The following EVPL variants were observed in gnomAD, a reference collection of about 807,000 sequenced individuals.
EVPL encodes envoplakin.
A neutral mutation model predicts 129.7 loss-of-function variants in EVPL; 94 were observed. That is an observed-to-expected ratio of 0.72 (90% CI 0.61 to 0.86). The LOEUF (loss-of-function observed/expected upper bound fraction) is 0.86. Ranked by LOEUF, EVPL falls within the 40% of genes least tolerant of loss-of-function variation. The probability of loss-of-function intolerance (pLI) is 0.00; values close to 1 mark genes in which losing one functional copy is unlikely to be tolerated. For missense variants in EVPL, 2,625 were observed against 2,721.1 expected (o/e 0.96, Z 0.79); for synonymous variants, 1,172 against 1,191.1 (o/e 0.98, Z 0.33).
chr17:76,024,085 C>G lies in EVPL; in HGVS notation c.134G>C (p.Arg45Pro). The G allele has an allele frequency of 6.2e-7, 1 of 1,613,764 alleles. No individual in the cohort carries two copies. Among genetic ancestry groups the G allele is most frequent in the Non-Finnish European group, 8.5e-7 (1 of 1,179,928 alleles). The change falls in exon 2 of 22, where the codon CGC (arginine) becomes CCC (proline). Residue 45 changes from arginine (R) to proline (P), a missense_variant. Around this residue, in one of 4 missense-constraint regions of EVPL, gnomAD observed 139 missense variants for 186.8 expected, o/e 0.74. Coordinates refer to ENST00000301607, the MANE Select transcript of EVPL (RefSeq NM_001988.4). The surrounding 1 kb of genome is among the most constrained non-coding windows in gnomAD (Gnocchi z 4.5). ...ATQELALLIS[R>P]MQANADQVER... ...CACCTGGTCGGCGTTGGCTTGCATGCGGGAGATGAGAAGGGCCAGCTCCTG... is the reference window on the plus strand; with the variant it reads ...CACCTGGTCGGCGTTGGCTTGCATGGGGGAGATGAGAAGGGCCAGCTCCTG...
In EVPL at chr17:76,022,150, C is replaced by T. The variant is rs771946064; in HGVS notation, c.645+39G>A. ...CAGGGTCCGGGCGGCCACCCAGGCC[C>T]ACCCGCAGCCTCCCTGCCCGACCCT... On this transcript the variant is annotated intron_variant, in intron 6 of 21. Transcript: ENST00000301607. This position sits in a 1 kb window ranked among gnomAD's most constrained non-coding sequence, Gnocchi z 5.6. 6.8e-6 allele frequency: 11 copies of T among 1,608,932 alleles called. No homozygotes were observed. The highest frequency in any genetic ancestry group is 1.3e-5 in the African/African-American group (1 of 74,852).
In EVPL at chr17:76,007,832, G is replaced by A. The variant is rs774121567; in HGVS notation, c.5373C>T (p.Ser1791=). Residue 1791 remains serine, a synonymous_variant, in exon 22 of 22, where the codon TCC becomes TCT. Transcript: ENST00000301607. The surrounding 1 kb of genome is among the most constrained non-coding windows in gnomAD (Gnocchi z 8.8). ...AGETKPSSSL[S]IGSIISKSPL... ...GGGACTTGGAGATGATAGAGCCGATGGAGAGTGAGGAGCTTGGCTTGGTCT... is the reference window on the plus strand; with the variant it reads ...GGGACTTGGAGATGATAGAGCCGATAGAGAGTGAGGAGCTTGGCTTGGTCT... The A allele has an allele frequency of 2.8e-5, 45 of 1,611,678 alleles. No homozygotes were observed. Among genetic ancestry groups the A allele is most frequent in the South Asian group, 6.6e-5 (6 of 91,024 alleles).
chr17:76,021,619 T>A (rs1304235434), intron 8 of EVPL, 55 bp downstream of exon 8: 5 of 1,307,612 alleles, frequency 3.8e-6, no homozygotes, highest in Non-Finnish European at 4.2e-6. Flanking sequence ...CCGCCCCACC[T>A]CCCCCCTTCC....
At chr17:76,021,193 T>C (rs1567915303) in intron 9 of EVPL, among the ~76,000 whole-genome samples, 1 of 152,164 alleles carries the variant, frequency 6.6e-6, no homozygotes, top group Non-Finnish European at 1.5e-5. Flanking sequence ...GTAGCTCGGA[T>C]TACAGGCGCG....
At chr17:76,025,222 C>T (rs892484629) in intron 1 of EVPL, among the ~76,000 whole-genome samples, 1 of 152,176 alleles carries the variant, frequency 6.6e-6, no homozygotes, top group African/African-American at 2.4e-5. Flanking sequence ...TGAATTTATC[C>T]ATCTGAAACG....
chr17:76,019,893 A>T (rs1400128793), intron 9 of EVPL, among the ~76,000 whole-genome samples: 1 of 152,242 alleles, frequency 6.6e-6, no homozygotes, highest in Non-Finnish European at 1.5e-5. Context: ...AGAAAAACCT[A>T]AGCCAGGTAA....
chr17:76,018,928 A>G lies in EVPL; in HGVS notation c.1270T>C (p.Trp424Arg). 1 of 1,538,104 alleles carries G rather than the reference A, an allele frequency of 6.5e-7. No homozygotes were observed. Among genetic ancestry groups the G allele is most frequent in the Admixed American group, 2.2e-5 (1 of 45,318 alleles). The change falls in exon 11 of 22, where the codon TGG becomes CGG. Residue 424 changes from tryptophan (W) to arginine (R), a missense_variant. Coordinates refer to ENST00000301607, the MANE Select transcript of EVPL (RefSeq NM_001988.4). ...QPLHVDSICD[W>R]DSGEVQLLQG... ...GGAGTTCGCACTTCTCCTGAGTCCC[A>G]GTCGCAGATGCTGTCCACGTGCAGG...
chr17:76,012,742 CTTTT>C (rs56349197), intron 18 of EVPL, among the ~76,000 whole-genome samples: 85 of 117,522 alleles, frequency 7.2e-4, no homozygotes, highest in South Asian at 5.8e-3. Context: ...TCTTTCTTTT[CTTTT>C]TTTTTTTTTT....
At chr17:76,012,224 G>C in intron 18 of EVPL, 135 bp from the exon 19 acceptor site, 4 of 612,686 alleles carry the variant, frequency 6.5e-6, no homozygotes, top group East Asian at 2.8e-5. Flanking sequence ...GGGAGACCTG[G>C]GCCAAACTCC....
rs1309403186 is a variant in EVPL at position 76,008,091 on chromosome 17, C to T, written c.5114G>A (p.Arg1705Lys). ...KDMSPYEAYK[R>K]GIIDRGQYLQ... The stretch of plus-strand genomic sequence containing the variant: ...GTACTGGCCCCTGTCGATGATGCCC[C>T]TCTTGTAGGCCTCGTATGGGGACAT... The change falls in exon 22 of 22, where the codon AGG (arginine) becomes AAG (lysine). Residue 1705 changes from arginine (R) to lysine (K), a missense_variant. Around this residue, in one of 4 missense-constraint regions of EVPL, gnomAD observed 1,453 missense variants for 1,511.8 expected, o/e 0.96. Coordinates refer to ENST00000301607, the MANE Select transcript of EVPL (RefSeq NM_001988.4). The surrounding 1 kb of genome is among the most constrained non-coding windows in gnomAD (Gnocchi z 7.4). 1.6e-5 allele frequency: 26 copies of T among 1,614,026 alleles called. No homozygotes were observed. Among genetic ancestry groups the T allele is most frequent in the Non-Finnish European group, 2.2e-5 (26 of 1,180,034 alleles).
intron 1 of EVPL, among the ~76,000 whole-genome samples, chr17:76,026,575 G>C (rs1157853366): frequency 6.6e-6 from 1 of 152,134 alleles, no homozygotes; most frequent in Non-Finnish European, 1.5e-5. Flanking sequence ...GAGGGCTGTG[G>C]CTTAGGCAGG....
intron 8 of EVPL, 41 bp from the exon 9 acceptor site, chr17:76,021,604 C>CCCCG: frequency 7.1e-7 from 1 of 1,417,118 alleles, no homozygotes; most frequent in Non-Finnish European, 9.3e-7. Context: ...ACGCCCCCCC[C>CCCCG]ACGTCCGCCC....
At chr17:76,014,292 G>A (rs1227610435) in intron 18 of EVPL, 134 bp downstream of exon 18, 23 of 1,248,152 alleles carry the variant, frequency 1.8e-5, no homozygotes, top group Non-Finnish European at 2.5e-5. Context: ...GCAAAGAGGA[G>A]CATTTCAGCT....
rs144978675 is a variant in EVPL at position 76,009,619 on chromosome 17, C to T, written c.3586G>A (p.Val1196Ile). 1.3e-3 allele frequency: 2,077 copies of T among 1,613,976 alleles called. 16 individuals are homozygous for T. The Middle Eastern group carries it at 0.027, about 21-fold the overall frequency. ...QRPKVQLQER[V>I]HEIFQVDPET... The stretch of plus-strand genomic sequence containing the variant: ...GGATCCACCTGGAAGATCTCGTGGA[C>T]GCGCTCCTGGAGCTGCACTTTGGGC... The change falls in exon 22 of 22, where the codon GTC becomes ATC. Residue 1196 changes from valine (V) to isoleucine (I), a missense_variant. This residue lies in a region of EVPL where 1,453 missense variants were observed against 1,511.8 expected (regional missense o/e 0.96). Transcript: ENST00000301607. This position sits in a 1 kb window ranked among gnomAD's most constrained non-coding sequence, Gnocchi z 5.9.
chr17:76,007,804 G>A lies in EVPL; in HGVS notation c.5401C>T (p.Leu1801Phe), dbSNP rs780474620. The part of the protein sequence containing the change: ...SIGSIISKSP[L>F]ASPAPQSTSF... The stretch of plus-strand genomic sequence containing the variant: ...GTGCTCTGGGGGGCCGGGGAGGCGA[G>A]CGGGGACTTGGAGATGATAGAGCCG... The change falls in exon 22 of 22, where the codon CTC becomes TTC. Residue 1801 changes from leucine (L) to phenylalanine (F), a missense_variant. Transcript: ENST00000301607. This position sits in a 1 kb window ranked among gnomAD's most constrained non-coding sequence, Gnocchi z 8.8. 5.6e-6 allele frequency: 9 copies of A among 1,611,232 alleles called. No individual in the cohort carries two copies. Among genetic ancestry groups the A allele is most frequent in the African/African-American group, 1.3e-5 (1 of 74,868 alleles).
intron 16 of EVPL, 55 bp from the exon 17 acceptor site, chr17:76,015,164 C>T: frequency 6.4e-7 from 1 of 1,557,366 alleles, no homozygotes; most frequent in African/African-American, 1.3e-5. Context: ...GACGCCGTGT[C>T]CACCCACCCG....
chr17:76,017,729 GCTCACCCAC>G lies in EVPL; in HGVS notation c.1710+1_1710+9del, dbSNP rs2066427280. ...CTCATCCCAGCCGCCCCTTCCCGCT[GCTCACCCAC>G]CTCATGGCTGTGGATGCGGCCCTCC... is the stretch of plus-strand genomic sequence containing the variant. On this transcript the variant is annotated splice_donor_variant and splice_donor_5th_base_variant and intron_variant, in intron 14 of 21. Transcript: ENST00000301607. LOFTEE classifies it high-confidence loss of function. 1 of 1,607,716 alleles carries G rather than the reference GCTCACCCAC, an allele frequency of 6.2e-7. No homozygotes were observed. Among genetic ancestry groups the G allele is most frequent in the African/African-American group, 1.3e-5 (1 of 74,968 alleles).
In EVPL at chr17:76,014,937, A is replaced by G. The variant is rs1407385204; in HGVS notation, c.2201T>C (p.Val734Ala). 1 of 1,589,994 alleles carries G rather than the reference A, an allele frequency of 6.3e-7. No homozygotes were observed. Residue 734 changes from valine (V) to alanine (A), a missense_variant, in exon 17 of 22, where the codon GTA becomes GCA. By Grantham distance (64) the Val-to-Ala change is moderately conservative (BLOSUM62 0). Around this residue, in one of 4 missense-constraint regions of EVPL, gnomAD observed 1,024 missense variants for 997.5 expected, o/e 1.03. Transcript: ENST00000301607. The stretch of plus-strand genomic sequence containing the variant: ...TCACCGCAGGTCCAGCTGGTCCCCT[A>G]CGGCGTGGTAGCGGTCGGTGAGGGC... ...VRALTDRYHA[V>A]GDQLDLREKV...
chr17:76,009,352 C>T lies in EVPL; in HGVS notation c.3853G>A (p.Gly1285Arg), dbSNP rs757759816. Residue 1285 changes from glycine to arginine, a missense_variant, in exon 22 of 22, where the codon GGG becomes AGG. This residue lies in a region of EVPL where 1,453 missense variants were observed against 1,511.8 expected (regional missense o/e 0.96). Transcript: ENST00000301607. This position sits in a 1 kb window ranked among gnomAD's most constrained non-coding sequence, Gnocchi z 5.9. ...AQLNELVNSH[G>R]RSQEQLIRLQ... ...CGGATGAGCTGCTCCTGGGAGCGCC[C>T]GTGGCTGTTGACGAGCTCGTTGAGC... 6 of 1,613,108 alleles carry T rather than the reference C, an allele frequency of 3.7e-6. No individual in the cohort carries two copies. Among genetic ancestry groups the T allele is most frequent in the Middle Eastern group, 1.6e-4 (1 of 6,084 alleles).
Sources: gnomAD v4.1 joint callset for allele counts (sites outside exome capture counted in the v4.1 genomes callset) on GRCh38, gnomAD v4.1.1 for gene constraint, gnomAD v4.1.1 regional missense constraint, Gnocchi (gnomAD v3.1) non-coding constraint, MANE v1.5 for transcripts, NCBI Gene and HGNC (gene_info 2026-07-23, HGNC 2026-07-21) for gene names.